The following GATAD2B variants were observed in gnomAD, a reference collection of about 807,000 sequenced individuals.
GATAD2B encodes the protein GATA zinc finger domain containing 2B.
A neutral mutation model predicts 64.3 loss-of-function variants in GATAD2B; 8 were observed. The observed-to-expected ratio is 0.12, with a 90% CI of 0.07 to 0.22. GATAD2B has a LOEUF of 0.22. Among genes scored for constraint, GATAD2B ranks in the 10% least tolerant of loss-of-function variants. The pLI is 1.00. For missense variants in GATAD2B, 453 were observed against 752.0 expected (o/e 0.60, Z 4.65); for synonymous variants, 281 against 271.3 (o/e 1.04, Z -0.35).
chr1:153,847,779 T>G (rs565676687), intron 1 of GATAD2B, among the ~76,000 whole-genome samples: 1 of 152,168 alleles, frequency 6.6e-6, no homozygotes, highest in East Asian at 1.9e-4. Context: ...ACTGTCCATG[T>G]CTCATCTCTT....
chr1:153,882,611 A>C (rs187894958), intron 1 of GATAD2B, among the ~76,000 whole-genome samples: 41 of 152,282 alleles, frequency 2.7e-4, no homozygotes, highest in Admixed American at 2.5e-3. Context: ...CAATTTAAAA[A>C]TTTTTTAATG....
chr1:153,810,186 T>C lies in GATAD2B; in HGVS notation c.1773A>G (p.Gly591=). ...ACAAGTGGAACAGGCGTTATTTCTG[T>C]CCACTGATGGACTGCGATATAGACC... The part of the protein sequence containing the change: ...PPRSISQSIS[G]QK Residue 591 remains glycine (G), a synonymous_variant, in exon 11 of 11, where the codon GGA becomes GGG. Coordinates refer to ENST00000368655, the MANE Select transcript of GATAD2B (RefSeq NM_020699.4). The C allele has an allele frequency of 6.2e-7, 1 of 1,609,380 alleles. No homozygotes were observed. The highest frequency in any genetic ancestry group is 2.2e-5 in the East Asian group (1 of 44,630).
intron 1 of GATAD2B, among the ~76,000 whole-genome samples, chr1:153,848,430 C>A (rs1457506862): frequency 6.6e-6 from 1 of 152,148 alleles, no homozygotes; most frequent in Admixed American, 6.6e-5. Flanking sequence ...CTGCTTTCTT[C>A]ACTTGGCTTT....
At chr1:153,874,626 G>T (rs533811997) in intron 1 of GATAD2B, among the ~76,000 whole-genome samples, 52 of 152,088 alleles carry the variant, frequency 3.4e-4, no homozygotes, top group Non-Finnish European at 6.3e-4. Flanking sequence ...ACCCAGGCTG[G>T]AGTGCAGTGG....
At chr1:153,871,005 C>CGGA (rs1356355942) in intron 1 of GATAD2B, among the ~76,000 whole-genome samples, 1 of 152,076 alleles carries the variant, frequency 6.6e-6, no homozygotes, top group East Asian at 1.9e-4. Context: ...CTCTGCCTCC[C>CGGA]CTCTTGCCTC....
intron 1 of GATAD2B, among the ~76,000 whole-genome samples, chr1:153,877,730 T>C (rs1676881104): frequency 6.6e-6 from 1 of 151,756 alleles, no homozygotes; most frequent in South Asian, 2.1e-4. Flanking sequence ...ATACGAAAAT[T>C]AGCCGGGTGT....
chr1:153,862,247 T>C (rs1017790371), intron 1 of GATAD2B, among the ~76,000 whole-genome samples: 1 of 149,726 alleles, frequency 6.7e-6, no homozygotes, highest in Non-Finnish European at 1.5e-5. Context: ...CTCAGCCTCC[T>C]GAGTACCTGA....
chr1:153,890,845 G>C (rs539692197), intron 1 of GATAD2B: 1 of 152,338 alleles, frequency 6.6e-6, no homozygotes, highest in Non-Finnish European at 1.5e-5. Context: ...TTAAACGCAT[G>C]CCAGAACAGA....
chr1:153,869,334 G>A (rs1443304832), intron 1 of GATAD2B, among the ~76,000 whole-genome samples: 1 of 150,362 alleles, frequency 6.7e-6, no homozygotes, highest in African/African-American at 2.4e-5. Context: ...AAATACTGTA[G>A]TATTTGCCTA....
chr1:153,831,630 T>G (rs1265757072), intron 1 of GATAD2B, among the ~76,000 whole-genome samples: 1 of 152,226 alleles, frequency 6.6e-6, no homozygotes, highest in Non-Finnish European at 1.5e-5. Flanking sequence ...TAATCAACTT[T>G]AGAACATTTT....
At chr1:153,874,907 T>C (rs564115055) in intron 1 of GATAD2B, among the ~76,000 whole-genome samples, 5 of 152,120 alleles carry the variant, frequency 3.3e-5, no homozygotes, top group Middle Eastern at 3.4e-3. Flanking sequence ...AGGGTCTTGT[T>C]CTGTCACCCA....
At position 153,816,059 on chromosome 1, in the gene GATAD2B, AACACACACACACACAC is replaced by A. The variant is rs71093286; in HGVS notation, c.1216+198_1216+213del. Among the ~76,000 whole-genome samples, 59 of 141,886 alleles carry A rather than the reference AACACACACACACACAC, an allele frequency of 4.2e-4. No individual in the cohort carries two copies. Among genetic ancestry groups the A allele is most frequent in the African/African-American group, 5.5e-4 (21 of 38,058 alleles). The allele number at this position is 141,886 out of a possible 152,430, so 93.1% of individuals were successfully genotyped here. A position where few individuals can be genotyped will look rare whatever the true frequency, so the allele number is the denominator to read the frequency against. On this transcript the variant is annotated intron_variant, in intron 7 of 10. Transcript: ENST00000368655. This position sits in a 1 kb window ranked among gnomAD's most constrained non-coding sequence, Gnocchi z 4.9. ...CAGAGCGAGACTGCATCTCAAACAAAACACACACACACACACACACACACACACACACACACACACA... is the reference window on the plus strand; with the variant it reads ...CAGAGCGAGACTGCATCTCAAACAAAACACACACACACACACACACACACA...
chr1:153,902,543 C>T (rs192927356), intron 1 of GATAD2B, among the ~76,000 whole-genome samples: 64 of 152,238 alleles, frequency 4.2e-4, no homozygotes, highest in African/African-American at 1.4e-3. Context: ...CAGCCTCAAC[C>T]TCCCGGGCTC....
At chr1:153,905,529 G>A (rs1677897213) in intron 1 of GATAD2B, among the ~76,000 whole-genome samples, 1 of 131,670 alleles carries the variant, frequency 7.6e-6, no homozygotes, top group Non-Finnish European at 1.6e-5. Context: ...TCTCAAGGAA[G>A]CCCAAACAGC....
intron 1 of GATAD2B, among the ~76,000 whole-genome samples, chr1:153,879,859 TC>T (rs1259805901): frequency 6.8e-6 from 1 of 147,098 alleles, no homozygotes; most frequent in African/African-American, 2.5e-5. Context: ...AAAGACACAA[TC>T]ACTACAACTG....
At chr1:153,853,016 AC>A in intron 1 of GATAD2B, 2 of 1,307,560 alleles carry the variant, frequency 1.5e-6, no homozygotes, top group Non-Finnish European at 2.2e-6. Context: ...TTGTCCATCA[AC>A]CCTGTGATGA....
At chr1:153,869,886 G>C (rs1294562570) in intron 1 of GATAD2B, among the ~76,000 whole-genome samples, 1 of 152,110 alleles carries the variant, frequency 6.6e-6, no homozygotes, top group Non-Finnish European at 1.5e-5. Flanking sequence ...CAGCACTTTG[G>C]GAGGCTGAGG....
intron 1 of GATAD2B, among the ~76,000 whole-genome samples, chr1:153,897,069 C>T (rs1677620253): frequency 1.3e-5 from 2 of 150,076 alleles, no homozygotes; most frequent in Non-Finnish European, 1.5e-5. Flanking sequence ...GTTGCTGTCG[C>T]CCAGGCTGGA....
intron 2 of GATAD2B, among the ~76,000 whole-genome samples, chr1:153,821,482 G>C (rs1031482568): frequency 6.6e-6 from 1 of 152,164 alleles, no homozygotes; most frequent in Non-Finnish European, 1.5e-5. Flanking sequence ...TGAGAAGGTA[G>C]AAATACAGAA....
Sources: allele counts gnomAD v4.1 joint callset (sites outside exome capture counted in the v4.1 genomes callset), GRCh38; gene constraint gnomAD v4.1.1; non-coding constraint Gnocchi (gnomAD v3.1); transcripts MANE v1.5; gene names NCBI Gene and HGNC (gene_info 2026-07-23, HGNC 2026-07-21).